Variants in ZBTB8OS observed in about 807,000 individuals in gnomAD.
ZBTB8OS encodes tRNA splicing ligase complex subunit 1, also known as tRNA-splicing ligase-activating factor archease.
Under a neutral mutation model 29.3 loss-of-function variants are expected in ZBTB8OS, and 16 were observed. That is an observed-to-expected ratio of 0.55 (90% CI 0.37 to 0.83). The LOEUF is 0.83. Ranked by LOEUF, ZBTB8OS falls within the 40% of genes least tolerant of loss-of-function variation. The pLI, the probability that ZBTB8OS is intolerant of heterozygous loss-of-function variation, is 0.00. For synonymous variants in ZBTB8OS, 70 were observed against 64.6 expected (o/e 1.08, Z -0.40); for missense variants, 160 against 196.9 (o/e 0.81, Z 1.12).
intron 4 of ZBTB8OS, 113 bp from the exon 5 acceptor site, chr1:32,631,992 CTTTTTTTTTT>C (rs71006345): frequency 2.2e-5 from 3 of 135,730 alleles, no homozygotes; most frequent in African/African-American, 9.8e-5. Flanking sequence ...TTGGTAAAAC[CTTTTTTTTTT>C]TTTTTTTTTT....
At chr1:32,635,033 T>C (rs1339039071) in intron 1 of ZBTB8OS, among the ~76,000 whole-genome samples, 2 of 151,244 alleles carry the variant, frequency 1.3e-5, no homozygotes, top group Non-Finnish European at 1.5e-5. Flanking sequence ...CACTCCAGCC[T>C]GGGCAACAGA....
Position 32,621,831 on chromosome 1 carries a change from T to C in ZBTB8OS, c.*31A>G, listed in dbSNP as rs758546512. The stretch of plus-strand genomic sequence containing the variant: ...AAAGGAAGAGGAAAACAAAAACAGT[T>C]CTTCGTAGGAGTCTTTTATTTTTTG... On this transcript the variant is annotated 3_prime_UTR_variant, in exon 7 of 7. Transcript: ENST00000468695. The C allele has an allele frequency of 2.1e-6, 3 of 1,459,492 alleles. No homozygotes were observed. Among genetic ancestry groups the C allele is most frequent in the Non-Finnish European group, 1.9e-6 (2 of 1,066,744 alleles). 90.4% of individuals were successfully genotyped at this position (1,459,492 alleles called of 1,614,324 possible).
chr1:32,650,315 T>C (rs1647268002), intron 1 of ZBTB8OS, 118 bp downstream of exon 1: 5 of 1,355,370 alleles, frequency 3.7e-6, no homozygotes, highest in East Asian at 2.4e-5. Context: ...CCGGCACAAA[T>C]GGGATCATGC....
intron 1 of ZBTB8OS, among the ~76,000 whole-genome samples, chr1:32,643,262 G>A (rs534982170): frequency 6.7e-6 from 1 of 150,116 alleles, no homozygotes; most frequent in East Asian, 2.0e-4. Context: ...AGTAGAGACG[G>A]GGGTTTCTCC....
rs900979913 is a variant in ZBTB8OS, at chr1:32,621,202, C to T, written c.*660G>A. 3 of 152,116 alleles carry T rather than the reference C, an allele frequency of 2.0e-5. No homozygotes were observed. Among genetic ancestry groups the T allele is most frequent in the African/African-American group, 7.2e-5 (3 of 41,424 alleles). The allele number at this position is 152,116 out of a possible 1,614,324, so 9.4% of individuals were successfully genotyped here. On this transcript the variant is annotated 3_prime_UTR_variant, in exon 7 of 7. Coordinates refer to ENST00000468695, the MANE Select transcript of ZBTB8OS (RefSeq NM_178547.5). ...GATCACAAGGTCAGGAGATCAAGAC[C>T]ATCCTAGCTAACACAGTGAAACCCC...
chr1:32,649,521 G>A (rs1647120674), intron 1 of ZBTB8OS, among the ~76,000 whole-genome samples: 1 of 151,938 alleles, frequency 6.6e-6, no homozygotes. Flanking sequence ...TATGTGATTT[G>A]CCTAAAGTCA....
At chr1:32,638,048 G>A (rs1206019899) in intron 1 of ZBTB8OS, among the ~76,000 whole-genome samples, 1 of 151,782 alleles carries the variant, frequency 6.6e-6, no homozygotes, top group Non-Finnish European at 1.5e-5. Flanking sequence ...TGTTGGCCAG[G>A]CAGGTCTCAA....
At chr1:32,630,433 G>T (rs57351991) in intron 5 of ZBTB8OS, among the ~76,000 whole-genome samples, 16,022 of 152,012 alleles carry the variant, frequency 0.11, 1,513 homozygotes, top group African/African-American at 0.24. Context: ...CGCACCTGTA[G>T]TCCCAGCTAC....
intron 6 of ZBTB8OS, among the ~76,000 whole-genome samples, chr1:32,625,693 A>G (rs1474761128): frequency 6.6e-6 from 1 of 152,218 alleles, no homozygotes; most frequent in African/African-American, 2.4e-5. Context: ...GCAACACAGC[A>G]AGGCACTGTC....
chr1:32,626,290 TC>T (rs1645128608), intron 6 of ZBTB8OS, among the ~76,000 whole-genome samples: 1 of 152,228 alleles, frequency 6.6e-6, no homozygotes, highest in African/African-American at 2.4e-5. Context: ...CTGTACAGGT[TC>T]ATAGCCTAGG....
intron 1 of ZBTB8OS, among the ~76,000 whole-genome samples, chr1:32,636,450 G>A (rs1168329583): frequency 6.6e-6 from 1 of 152,186 alleles, no homozygotes; most frequent in Non-Finnish European, 1.5e-5. Context: ...CAGCACTTCG[G>A]GAGGCCGAGG....
intron 1 of ZBTB8OS, among the ~76,000 whole-genome samples, chr1:32,640,306 TAG>T (rs2148423646): frequency 6.6e-6 from 1 of 152,248 alleles, no homozygotes; most frequent in East Asian, 1.9e-4. Flanking sequence ...TTCACCATGT[TAG>T]TCAGACTGGT....
At chr1:32,650,753 TC>T (rs1647433337), upstream of ZBTB8OS, 2 of 709,098 alleles carry the variant, frequency 2.8e-6, no homozygotes, top group East Asian at 2.9e-5. Flanking sequence ...ACTAGTTCTT[TC>T]CAAAGACTAA....
chr1:32,631,707 T>A, intron 5 of ZBTB8OS, 120 bp downstream of exon 5: 1 of 693,828 alleles, frequency 1.4e-6, no homozygotes, highest in Non-Finnish European at 2.4e-6. Flanking sequence ...CCCTTAGACA[T>A]CCCACAAAAC....
chr1:32,637,858 G>C (rs1193377269), intron 1 of ZBTB8OS, among the ~76,000 whole-genome samples: 4 of 152,008 alleles, frequency 2.6e-5, no homozygotes, highest in African/African-American at 7.2e-5. Flanking sequence ...TTGAGACAGA[G>C]TCTCTCGCTC....
intron 1 of ZBTB8OS, among the ~76,000 whole-genome samples, chr1:32,636,782 G>T (rs1433105089): frequency 1.3e-5 from 2 of 151,796 alleles, no homozygotes; most frequent in African/African-American, 4.9e-5. Context: ...GCCTGCCTGA[G>T]AAAGAGCATC....
upstream of ZBTB8OS, chr1:32,650,766 G>C: frequency 1.5e-6 from 1 of 650,994 alleles, no homozygotes; most frequent in Non-Finnish European, 2.5e-6. Context: ...AAAGACTAAG[G>C]AAAAACGTTG....
intron 6 of ZBTB8OS, among the ~76,000 whole-genome samples, chr1:32,625,309 A>C (rs774959855): frequency 5.3e-5 from 8 of 150,770 alleles, no homozygotes; most frequent in Non-Finnish European, 1.0e-4. Flanking sequence ...GAGGTAGGTA[A>C]ATCACCTGAG....
chr1:32,642,333 G>A (rs544637209), intron 1 of ZBTB8OS, among the ~76,000 whole-genome samples: 4 of 152,014 alleles, frequency 2.6e-5, no homozygotes, highest in African/African-American at 7.2e-5. Flanking sequence ...GTGAAACCCC[G>A]TATCTACTAA....
Sources: gnomAD v4.1 joint callset for allele counts (sites outside exome capture counted in the v4.1 genomes callset) on GRCh38, gnomAD v4.1.1 for gene constraint, MANE v1.5 for transcripts, NCBI Gene and HGNC (gene_info 2026-07-23, HGNC 2026-07-21) for gene names.